The following NSUN2 variants were observed in gnomAD, a reference collection of about 807,000 sequenced individuals.
The protein encoded by NSUN2 is NOP2/Sun RNA methyltransferase 2.
A neutral mutation model predicts 92.7 loss-of-function variants in NSUN2; 63 were observed. The observed-to-expected ratio is 0.68, with a 90% CI of 0.56 to 0.84. NSUN2 has a LOEUF of 0.84. Among genes scored for constraint, NSUN2 ranks in the 40% least tolerant of loss-of-function variants. NSUN2 has a pLI of 0.00. For missense variants in NSUN2, 989 were observed against 964.9 expected (o/e 1.02, Z -0.33); for synonymous variants, 356 against 348.3 (o/e 1.02, Z -0.25).
intron 17 of NSUN2, among the ~76,000 whole-genome samples, chr5:6,603,093 G>A (rs895289552): frequency 2.0e-5 from 3 of 152,164 alleles, no homozygotes; most frequent in Admixed American, 6.5e-5. Context: ...AGTGATTCAC[G>A]TACTTTTGAT....
intron 9 of NSUN2, among the ~76,000 whole-genome samples, chr5:6,612,418 T>G (rs1737035545): frequency 6.6e-6 from 1 of 152,204 alleles, no homozygotes; most frequent in African/African-American, 2.4e-5. Flanking sequence ...CGGGACACAG[T>G]CAGCCCAGTT....
chr5:6,602,445 G>C lies in NSUN2; in HGVS notation c.1997+16C>G, dbSNP rs376434901. On this transcript the variant is annotated intron_variant, in intron 18 of 18. Coordinates refer to ENST00000264670, the MANE Select transcript of NSUN2 (RefSeq NM_017755.6). ...CAAGGCGTGTGTGTCTAAGGGCAGG[G>C]CGTGTACTGACTTACGCAGAATCTG... is the stretch of plus-strand genomic sequence containing the variant. 4.0e-5 allele frequency: 64 copies of C among 1,612,700 alleles called. No homozygotes were observed. The African/African-American group carries it at 7.9e-4, about 20-fold the overall frequency.
chr5:6,616,814 C>G lies in NSUN2; in HGVS notation c.934G>C (p.Glu312Gln), dbSNP rs769345109. The G allele has an allele frequency of 6.2e-7, 1 of 1,614,092 alleles. No individual in the cohort carries two copies. The highest frequency in any genetic ancestry group is 2.2e-5 in the East Asian group (1 of 44,876). ...GTGGAATACACCATCCTTCCACCTTCAGCCAGCTGTTCAGCCCCGCGTGTT... is the reference window on the plus strand; with the variant it reads ...GTGGAATACACCATCCTTCCACCTTGAGCCAGCTGTTCAGCCCCGCGTGTT... Reference protein sequence around the residue: ...IATRGAEQLAEGGRMVYSTCS... With the variant: ...IATRGAEQLAQGGRMVYSTCS... Residue 312 changes from glutamate (E) to glutamine (Q), a missense_variant, in exon 9 of 19, where the codon GAA (glutamate) becomes CAA (glutamine). Around this residue, in one of 3 missense-constraint regions of NSUN2, gnomAD observed 626 missense variants for 602.3 expected, o/e 1.04. Coordinates refer to ENST00000264670, the MANE Select transcript of NSUN2 (RefSeq NM_017755.6).
chr5:6,607,537 A>G (rs937859141), intron 12 of NSUN2, among the ~76,000 whole-genome samples, 153 bp from the exon 13 acceptor site: 5 of 152,244 alleles, frequency 3.3e-5, no homozygotes, highest in African/African-American at 1.2e-4. Context: ...TTAAAGTGTC[A>G]TTTTAAATCT....
At position 6,604,687 on chromosome 5, in the gene NSUN2, T is replaced by C. The variant is rs2126471397; in HGVS notation, c.1738-2A>G. On this transcript the variant is annotated splice_acceptor_variant, in intron 15 of 18. Coordinates refer to ENST00000264670, the MANE Select transcript of NSUN2 (RefSeq NM_017755.6). LOFTEE classifies it high-confidence loss of function. ...GACTTTGATCCCCGTGTTAATAACC[T>C]GTAAGTAAAAAAATAAGATGAAACA... is the stretch of plus-strand genomic sequence containing the variant. 6.2e-7 allele frequency: 1 copy of C among 1,611,524 alleles called. No homozygotes were observed. The highest frequency in any genetic ancestry group is 2.2e-5 in the East Asian group (1 of 44,804).
intron 11 of NSUN2, 143 bp from the exon 12 acceptor site, chr5:6,610,065 ATTTT>A (rs59901468): frequency 1.5e-4 from 56 of 377,476 alleles, no homozygotes; most frequent in South Asian, 3.0e-4. Context: ...GTAAACTTAA[ATTTT>A]TTTTTTTTTT....
At chr5:6,617,795 T>C (rs534079579) in intron 8 of NSUN2, among the ~76,000 whole-genome samples, 155 bp downstream of exon 8, 1 of 152,254 alleles carries the variant, frequency 6.6e-6, no homozygotes, top group Non-Finnish European at 1.5e-5. Flanking sequence ...TGAAAGGTTT[T>C]CAAATAACTT....
At chr5:6,604,377 G>A (rs1156982352) in intron 16 of NSUN2, 101 bp from the exon 17 acceptor site, 6 of 1,166,520 alleles carry the variant, frequency 5.1e-6, no homozygotes, top group African/African-American at 4.6e-5. Flanking sequence ...TATGGTGGTC[G>A]AGCCCTCACT....
chr5:6,602,367 T>C, intron 18 of NSUN2, 94 bp downstream of exon 18: 1 of 1,287,378 alleles, frequency 7.8e-7, no homozygotes, highest in Non-Finnish European at 1.1e-6. Flanking sequence ...CTGAAGAAGG[T>C]TCCCACCTTC....
chr5:6,623,375 G>T, intron 4 of NSUN2, 90 bp from the exon 5 acceptor site: 2 of 1,072,358 alleles, frequency 1.9e-6, no homozygotes, highest in Non-Finnish European at 2.7e-6. Flanking sequence ...AAAGGCAACA[G>T]GAAAACAGCA....
At chr5:6,610,835 C>T in intron 11 of NSUN2, 120 bp downstream of exon 11, 4 of 1,247,020 alleles carry the variant, frequency 3.2e-6, no homozygotes, top group Non-Finnish European at 4.4e-6. Context: ...CCTGGCATAA[C>T]CCAAGCCTCA....
rs543710705 is a variant in NSUN2 at position 6,607,372 on chromosome 5, A to C, written c.1336T>G (p.Ser446Ala). 5.0e-6 allele frequency: 8 copies of C among 1,612,714 alleles called. No individual in the cohort carries two copies. The South Asian group carries it at 7.7e-5, about 16-fold the overall frequency. The change falls in exon 13 of 19, where the codon TCT becomes GCT. Residue 446 changes from serine (S) to alanine (A), a missense_variant. By Grantham distance (99) the Ser-to-Ala change is moderately conservative. Coordinates refer to ENST00000264670, the MANE Select transcript of NSUN2 (RefSeq NM_017755.6). ...TGTGTGCTTTCTCTGGTCTCTGCAG[A>C]TTTACCCTGAAGCTGTCATAAAGAA... The part of the protein sequence containing the change: ...NKRQPKLQGK[S>A]AETRESTQLS...
chr5:6,625,539 A>G (rs1352941531), intron 4 of NSUN2, 25 bp downstream of exon 4: 3 of 1,544,538 alleles, frequency 1.9e-6, no homozygotes, highest in Non-Finnish European at 2.7e-6. Context: ...TAAGGAAACT[A>G]GCAAGTCTAA....
intron 9 of NSUN2, among the ~76,000 whole-genome samples, chr5:6,615,341 T>A (rs1394439947): frequency 6.6e-6 from 1 of 152,232 alleles, no homozygotes; most frequent in Non-Finnish European, 1.5e-5. Flanking sequence ...CATGGTTTCC[T>A]AAATTCCTAG....
chr5:6,602,474 C>T lies in NSUN2; in HGVS notation c.1984G>A (p.Glu662Lys), dbSNP rs775173422. ...GTACTGACTTACGCAGAATCTGGTT[C>T]ATACTTCAGCACGATGCTTCCCTTT... ...LAKGSIVLKY[E>K]PDSANPDALQ... The change falls in exon 18 of 19, where the codon GAA (glutamate) becomes AAA (lysine). Residue 662 changes from glutamate to lysine, a missense_variant. This residue lies in a region of NSUN2 where 626 missense variants were observed against 602.3 expected (regional missense o/e 1.04). Coordinates refer to ENST00000264670, the MANE Select transcript of NSUN2 (RefSeq NM_017755.6). 4 of 1,614,078 alleles carry T rather than the reference C, an allele frequency of 2.5e-6. No homozygotes were observed. In the South Asian group the frequency reaches 3.3e-5, roughly 13 times the overall value.
intron 3 of NSUN2, among the ~76,000 whole-genome samples, chr5:6,630,882 CAGG>C (rs1424060908): frequency 2.0e-5 from 3 of 152,134 alleles, no homozygotes; most frequent in Admixed American, 1.3e-4. Flanking sequence ...ATCATGAGGT[CAGG>C]AGATGAGACC....
intron 15 of NSUN2, chr5:6,605,036 C>G: frequency 1.6e-6 from 1 of 612,866 alleles, no homozygotes. Context: ...GCTCACCCCC[C>G]TGCGGGAATG....
In NSUN2 at chr5:6,599,968, C is replaced by T; in HGVS notation, c.2262G>A (p.Val754=). The T allele has an allele frequency of 1.2e-6, 2 of 1,614,140 alleles. No individual in the cohort carries two copies. Among genetic ancestry groups the T allele is most frequent in the Non-Finnish European group, 1.7e-6 (2 of 1,180,042 alleles). The part of the protein sequence containing the change: ...PDAEEANSPD[V]TAGCDPAGVH... ...CCCCCGCCGGGTCACAGCCTGCTGT[C>T]ACGTCTGGACTGTTGGCCTCTTCTG... The change falls in exon 19 of 19, where the codon GTG becomes GTA. Residue 754 remains valine, a synonymous_variant. Transcript: ENST00000264670.
At chr5:6,628,431 G>A (rs368371098) in intron 3 of NSUN2, among the ~76,000 whole-genome samples, 4 of 152,180 alleles carry the variant, frequency 2.6e-5, no homozygotes, top group South Asian at 4.1e-4. Context: ...GCTTCTATAA[G>A]AATGCTTTAG....
Sources: allele counts gnomAD v4.1 joint callset (sites outside exome capture counted in the v4.1 genomes callset), GRCh38; gene constraint gnomAD v4.1.1; regional missense constraint gnomAD v4.1.1; transcripts MANE v1.5; gene names NCBI Gene and HGNC (gene_info 2026-07-23, HGNC 2026-07-21).